The following MAP2 variants were observed in gnomAD, a reference collection of about 807,000 sequenced individuals.
MAP2 encodes microtubule associated protein 2.
MAP2 carries 14 observed loss-of-function variants against 137.6 expected under a neutral mutation model. That is an observed-to-expected ratio of 0.10 (90% CI 0.07 to 0.16). The LOEUF (loss-of-function observed/expected upper bound fraction) is 0.16. MAP2 is among the 10% of genes least tolerant of loss of function. The pLI is 1.00. For synonymous variants in MAP2, 786 were observed against 782.3 expected, an observed-to-expected ratio of 1.00 and a Z score of -0.08; for missense variants, 2,088 against 2,191.5, an observed-to-expected ratio of 0.95 and a Z score of 0.94.
chr2:209,633,395 C>T (rs555688203), intron 4 of MAP2, among the ~76,000 whole-genome samples: 2 of 152,204 alleles, frequency 1.3e-5, no homozygotes, highest in East Asian at 3.9e-4. Flanking sequence ...TGTCATTATT[C>T]CCATCCAGTT....
intron 1 of MAP2, among the ~76,000 whole-genome samples, chr2:209,450,752 T>A (rs1474804170): frequency 6.6e-6 from 1 of 152,198 alleles, no homozygotes; most frequent in Non-Finnish European, 1.5e-5. Flanking sequence ...TTGGAAAGTC[T>A]GACTTCTCTA....
intron 1 of MAP2, among the ~76,000 whole-genome samples, chr2:209,501,610 C>T (rs929934425): frequency 1.3e-5 from 2 of 152,106 alleles, no homozygotes; most frequent in African/African-American, 4.8e-5. Context: ...GATGCTAAAT[C>T]CTATTGAAAA....
rs1288413737 is a variant in MAP2 at position 209,692,884 on chromosome 2, A to G, written c.714A>G (p.Lys238=). 5 of 1,614,052 alleles carry G rather than the reference A, an allele frequency of 3.1e-6. No homozygotes were observed. In the South Asian group the frequency reaches 5.5e-5, roughly 18 times the overall value. Residue 238 remains lysine (K), a synonymous_variant, in exon 8 of 16, where the codon AAA becomes AAG. Transcript: ENST00000682079. ...TTGTTGCCAGCCTGGAAGACATGAA[A>G]CAGAAGACAGAACCAAGCCTTGTAG... ...HTLVASLEDM[K]QKTEPSLVVP...
intron 14 of MAP2, 78 bp downstream of exon 14, chr2:209,725,868 C>A: frequency 2.6e-6 from 2 of 784,168 alleles, no homozygotes; most frequent in South Asian, 2.1e-5. Flanking sequence ...TTTGTTGTTG[C>A]AAAATACCTA....
At chr2:209,543,967 C>T (rs922560601) in intron 2 of MAP2, among the ~76,000 whole-genome samples, 2 of 152,092 alleles carry the variant, frequency 1.3e-5, no homozygotes, top group African/African-American at 2.4e-5. Context: ...TGGTGGCTCA[C>T]GCCTGTAATC....
At chr2:209,544,203 A>C (rs1355255498) in intron 2 of MAP2, among the ~76,000 whole-genome samples, 4 of 152,024 alleles carry the variant, frequency 2.6e-5, no homozygotes, top group Non-Finnish European at 5.9e-5. Context: ...ACTGCACTCC[A>C]GCCTGGGTGA....
At chr2:209,435,634 T>C (rs28650191) in intron 1 of MAP2, among the ~76,000 whole-genome samples, 25,015 of 151,572 alleles carry the variant, frequency 0.17, 2,545 homozygotes, top group African/African-American at 0.28. Flanking sequence ...AGGAATGTGA[T>C]ATATTCAGAT....
At chr2:209,569,578 G>C (rs1156572810) in intron 2 of MAP2, among the ~76,000 whole-genome samples, 1 of 151,800 alleles carries the variant, frequency 6.6e-6, no homozygotes, top group African/African-American at 2.4e-5. Context: ...TTGCAGTATT[G>C]AATAGGATGG....
At chr2:209,581,311 C>A (rs549115050) in intron 3 of MAP2, among the ~76,000 whole-genome samples, 1 of 152,214 alleles carries the variant, frequency 6.6e-6, no homozygotes, top group African/African-American at 2.4e-5. Flanking sequence ...AGAGTGTAGG[C>A]AGCATCACAT....
intron 1 of MAP2, among the ~76,000 whole-genome samples, chr2:209,503,876 A>C (rs1049261178): frequency 4.6e-5 from 7 of 152,136 alleles, no homozygotes; most frequent in Non-Finnish European, 8.8e-5. Flanking sequence ...AAAGAGTATT[A>C]ATATTTTGAA....
chr2:209,581,898 C>T (rs563240927), intron 3 of MAP2, among the ~76,000 whole-genome samples: 3 of 151,966 alleles, frequency 2.0e-5, no homozygotes, highest in Non-Finnish European at 2.9e-5. Flanking sequence ...ATTCATCTAG[C>T]GGTATGCTGA....
chr2:209,632,152 T>A (rs2093128582), intron 4 of MAP2, among the ~76,000 whole-genome samples: 1 of 152,114 alleles, frequency 6.6e-6, no homozygotes, highest in Admixed American at 6.6e-5. Context: ...TAATATGTAT[T>A]TACACCTTCA....
chr2:209,457,369 A>T (rs994167680), intron 1 of MAP2, among the ~76,000 whole-genome samples: 70 of 152,318 alleles, frequency 4.6e-4, no homozygotes, highest in African/African-American at 1.6e-3. Flanking sequence ...GGGAGCAGTG[A>T]ACCAGCTGCT....
At chr2:209,492,035 G>A (rs187645470) in intron 1 of MAP2, among the ~76,000 whole-genome samples, 102 of 152,206 alleles carry the variant, frequency 6.7e-4, no homozygotes, top group African/African-American at 2.2e-3. Flanking sequence ...ACATCAATGC[G>A]AAAATCCTCA....
chr2:209,725,848 G>A, intron 14 of MAP2, 58 bp downstream of exon 14: 1 of 1,224,250 alleles, frequency 8.2e-7, no homozygotes, highest in Non-Finnish European at 1.1e-6. Context: ...AGAAAGGGAT[G>A]AGAAAATTTT....
rs149432544 is a variant in MAP2 at position 209,630,549 on chromosome 2, A to G, written c.-30+5420A>G. Among the ~76,000 whole-genome samples the G allele has an allele frequency of 1.5e-3, 225 of 152,294 alleles. 1 individual carries two copies. The highest frequency in any genetic ancestry group is 5.2e-3 in the African/African-American group (218 of 41,576). On this transcript the variant is annotated intron_variant, in intron 4 of 15. Coordinates refer to ENST00000682079, the MANE Select transcript of MAP2 (RefSeq NM_001375505.1). ...CTATACCTATGGGTGGGAAGAGGGAAGAATAATCAGTGAAATGGAGTCTCA... is the reference window on the plus strand; with the variant it reads ...CTATACCTATGGGTGGGAAGAGGGAGGAATAATCAGTGAAATGGAGTCTCA...
At chr2:209,578,031 T>C in intron 2 of MAP2, among the ~76,000 whole-genome samples, 1 of 152,196 alleles carries the variant, frequency 6.6e-6, no homozygotes, top group East Asian at 1.9e-4. Context: ...ACAAAGGATG[T>C]TTCTGGAATC....
intron 13 of MAP2, among the ~76,000 whole-genome samples, chr2:209,711,331 C>A (rs2065377853): frequency 6.6e-6 from 1 of 152,102 alleles, no homozygotes; most frequent in South Asian, 2.1e-4. Flanking sequence ...AGCTATCAGG[C>A]ACTCCTACTC....
In MAP2 at chr2:209,678,649, G is replaced by C; in HGVS notation, c.340G>C (p.Ala114Pro). 1 of 1,604,922 alleles carries C rather than the reference G, an allele frequency of 6.2e-7. No individual in the cohort carries two copies. Among genetic ancestry groups the C allele is most frequent in the African/African-American group, 1.3e-5 (1 of 74,428 alleles). The change falls in exon 6 of 16, where the codon GCT becomes CCT. Residue 114 changes from alanine (A) to proline (P), a missense_variant. Physicochemically the swap from Ala to Pro is conservative, Grantham distance 27. Coordinates refer to ENST00000682079, the MANE Select transcript of MAP2 (RefSeq NM_001375505.1). ...CCTGAAAGGTGAACAAGAGAAAGAAGCTCAACATAAAGACCAGACTGCAGC... is the reference window on the plus strand; with the variant it reads ...CCTGAAAGGTGAACAAGAGAAAGAACCTCAACATAAAGACCAGACTGCAGC... ...AVLKGEQEKE[A>P]QHKDQTAALP...
Sources: gnomAD v4.1 joint callset for allele counts (sites outside exome capture counted in the v4.1 genomes callset) on GRCh38, gnomAD v4.1.1 for gene constraint, MANE v1.5 for transcripts, NCBI Gene and HGNC (gene_info 2026-07-23, HGNC 2026-07-21) for gene names.